Variants in DCDC1 observed in about 807,000 individuals in gnomAD.
The protein encoded by DCDC1 is doublecortin domain containing 1.
A neutral mutation model predicts 178.3 loss-of-function variants in DCDC1; 200 were observed. The observed-to-expected ratio is 1.12, with a 90% CI of 1.00 to 1.26. The LOEUF (loss-of-function observed/expected upper bound fraction) is 1.26. Ranked by LOEUF, DCDC1 falls within the 50% of genes most tolerant of loss-of-function variation. DCDC1 has a pLI of 0.00. For synonymous variants in DCDC1, 690 were observed against 604.8 expected, an observed-to-expected ratio of 1.14 and a Z score of -2.07; for missense variants, 1,983 against 1,749.2, an observed-to-expected ratio of 1.13 and a Z score of -2.38.
At chr11:31,002,490 A>G (rs552763593) in intron 20 of DCDC1, among the ~76,000 whole-genome samples, 5 of 152,280 alleles carry the variant, frequency 3.3e-5, no homozygotes, top group East Asian at 3.9e-4. Context: ...TGTGAGTCCA[A>G]CTGTTGGATG....
At chr11:31,201,432 G>A (rs1971269957) in intron 9 of DCDC1, among the ~76,000 whole-genome samples, 1 of 151,814 alleles carries the variant, frequency 6.6e-6, no homozygotes, top group Non-Finnish European at 1.5e-5. Flanking sequence ...AGTATTGAGT[G>A]TACTTAAAGA....
intron 26 of DCDC1, among the ~76,000 whole-genome samples, chr11:30,916,295 C>T (rs1323063910): frequency 6.6e-6 from 1 of 152,136 alleles, no homozygotes; most frequent in Admixed American, 6.5e-5. Context: ...TTAAATTAAT[C>T]TATAAACATC....
At chr11:30,924,757 C>T (rs1946488970) in intron 23 of DCDC1, among the ~76,000 whole-genome samples, 1 of 152,024 alleles carries the variant, frequency 6.6e-6, no homozygotes, top group South Asian at 2.1e-4. Flanking sequence ...TTTCTAGAGT[C>T]TAGGATCATG....
intron 9 of DCDC1, among the ~76,000 whole-genome samples, chr11:31,236,476 A>C (rs1434056685): frequency 2.6e-5 from 4 of 152,040 alleles, no homozygotes; most frequent in Non-Finnish European, 5.9e-5. Flanking sequence ...AAAAGTGACA[A>C]CTACATCTAT....
intron 7 of DCDC1, among the ~76,000 whole-genome samples, chr11:31,271,246 A>G (rs542606911): frequency 6.6e-6 from 1 of 152,302 alleles, no homozygotes; most frequent in Admixed American, 6.5e-5. Flanking sequence ...ATATTACAAG[A>G]GTTCCTGCTC....
At chr11:30,985,313 C>T (rs866078129) in intron 20 of DCDC1, among the ~76,000 whole-genome samples, 1 of 152,134 alleles carries the variant, frequency 6.6e-6, no homozygotes, top group African/African-American at 2.4e-5. Context: ...AGTTTCTGAA[C>T]TTTAAAATTA....
At chr11:31,267,302 T>TG (rs1481047071) in intron 7 of DCDC1, among the ~76,000 whole-genome samples, 1 of 152,174 alleles carries the variant, frequency 6.6e-6, no homozygotes, top group African/African-American at 2.4e-5. Flanking sequence ...GTGATTCTCC[T>TG]GCCTCAGCCT....
chr11:31,276,880 T>C (rs527521146), intron 7 of DCDC1, among the ~76,000 whole-genome samples: 5 of 152,220 alleles, frequency 3.3e-5, no homozygotes, highest in African/African-American at 1.2e-4. Context: ...AGAATGTGAA[T>C]GAGAAGTAGA....
At chr11:31,051,615 A>T (rs1955252738) in intron 20 of DCDC1, among the ~76,000 whole-genome samples, 1 of 152,228 alleles carries the variant, frequency 6.6e-6, no homozygotes, top group Non-Finnish European at 1.5e-5. Context: ...TATCAAATTA[A>T]CAGGAGATTT....
intron 9 of DCDC1, among the ~76,000 whole-genome samples, chr11:31,223,934 T>C (rs916222930): frequency 3.9e-5 from 6 of 151,970 alleles, no homozygotes; most frequent in African/African-American, 1.2e-4. Context: ...ATCCCACATG[T>C]TGTGGGAAGG....
At chr11:31,187,661 C>A (rs1969663914) in intron 9 of DCDC1, among the ~76,000 whole-genome samples, 1 of 152,066 alleles carries the variant, frequency 6.6e-6, no homozygotes, top group Non-Finnish European at 1.5e-5. Context: ...TAAAATAAAG[C>A]TGATGTTTTT....
At chr11:31,103,126 G>T (rs887357158) in intron 14 of DCDC1, among the ~76,000 whole-genome samples, 1 of 152,194 alleles carries the variant, frequency 6.6e-6, no homozygotes, top group African/African-American at 2.4e-5. Context: ...TGTATTATTT[G>T]CAGATAAGAA....
rs289080 is a variant in DCDC1 at position 31,064,568 on chromosome 11, G to T, written c.2492C>A (p.Thr831Asn). The change falls in exon 20 of 39, where the codon ACC becomes AAC. Residue 831 changes from threonine (T) to asparagine (N), a missense_variant. By Grantham distance (65) the Thr-to-Asn change is moderately conservative. Transcript: ENST00000684477. ...GLKQLPEPSDTHLMPEGSLEE... is the reference protein window; with the variant it reads ...GLKQLPEPSDNHLMPEGSLEE... ...AAGAGAACCTTCTGGCATTAAATGG[G>T]TGTCTGAGGGTTCTGGCAGTTGCTT... The T allele has an allele frequency of 0.01, 7,986 of 765,966 alleles. 405 individuals carry two copies. In the African/African-American group the frequency reaches 0.12, roughly 11 times the overall value. The allele number at this position is 765,966 out of a possible 1,614,324, so 47.4% of individuals were successfully genotyped here. A position where few individuals can be genotyped will look rare whatever the true frequency, so the allele number is the denominator to read the frequency against.
chr11:31,115,988 G>GT (rs1555066757), intron 11 of DCDC1, among the ~76,000 whole-genome samples: 1 of 134,616 alleles, frequency 7.4e-6, no homozygotes, highest in African/African-American at 2.6e-5. Flanking sequence ...CAGTGGGGGG[G>GT]GGGGGGATGG....
chr11:31,056,980 C>A (rs944504701), intron 20 of DCDC1, among the ~76,000 whole-genome samples: 11 of 152,054 alleles, frequency 7.2e-5, no homozygotes, highest in Non-Finnish European at 1.2e-4. Flanking sequence ...ACCTATAATT[C>A]CAGTACTTTG....
chr11:31,174,383 G>C (rs751754476), intron 9 of DCDC1, among the ~76,000 whole-genome samples: 48 of 152,202 alleles, frequency 3.2e-4, no homozygotes, highest in Non-Finnish European at 6.3e-4. Context: ...GCCACCTTGG[G>C]CCCCTCTGGA....
At chr11:30,967,310 G>C (rs1484154688) in intron 20 of DCDC1, among the ~76,000 whole-genome samples, 1 of 150,142 alleles carries the variant, frequency 6.7e-6, no homozygotes, top group East Asian at 2.0e-4. Context: ...CCTTGAAGAG[G>C]TCCTTCACAT....
At chr11:31,250,098 CTATTGTCTT>C (rs1327508558) in intron 8 of DCDC1, among the ~76,000 whole-genome samples, 14 of 151,996 alleles carry the variant, frequency 9.2e-5, no homozygotes, top group Non-Finnish European at 1.5e-4. Flanking sequence ...TGGCTACCAT[CTATTGTCTT>C]TAAGAAAGGT....
intron 26 of DCDC1, 71 bp downstream of exon 26, chr11:30,916,799 A>G: frequency 1.4e-6 from 2 of 1,442,988 alleles, no homozygotes; most frequent in Non-Finnish European, 1.8e-6. Flanking sequence ...TCTTGGGAAT[A>G]TATGTGTCCC....
Sources: gnomAD v4.1 joint callset for allele counts (sites outside exome capture counted in the v4.1 genomes callset) on GRCh38, gnomAD v4.1.1 for gene constraint, MANE v1.5 for transcripts, NCBI Gene and HGNC (gene_info 2026-07-23, HGNC 2026-07-21) for gene names.